Variants in PIH1D2 observed in about 807,000 individuals in gnomAD.
PIH1D2 encodes PIH1 domain-containing protein 2.
PIH1D2 carries 25 observed loss-of-function variants against 31.2 expected under a neutral mutation model. The ratio of observed to expected loss-of-function variants is 0.80; its 90% CI spans 0.58 to 1.12. PIH1D2 has a LOEUF of 1.12. Among genes scored for constraint, PIH1D2 ranks in the 50% most tolerant of loss-of-function variants. The probability of loss-of-function intolerance (pLI) is 0.00; values close to 1 mark genes in which losing one functional copy is unlikely to be tolerated. For synonymous variants in PIH1D2, 116 were observed against 119.9 expected (o/e 0.97, Z 0.21); for missense variants, 310 against 356.6 (o/e 0.87, Z 1.05).
At chr11:112,070,364 T>G in intron 5 of PIH1D2, 72 bp downstream of exon 5, 1 of 1,520,808 alleles carries the variant, frequency 6.6e-7, no homozygotes, top group Non-Finnish European at 9.0e-7. Context: ...TTATGTAGTT[T>G]GTTACTGTGG....
At chr11:112,070,113 T>C in intron 5 of PIH1D2, 1 of 497,440 alleles carries the variant, frequency 2.0e-6, no homozygotes, top group East Asian at 3.3e-5. Context: ...TATGACTTCC[T>C]GTGACTGTGA....
At chr11:112,059,834 C>A, downstream of PIH1D2, 2 of 1,355,838 alleles carry the variant, frequency 1.5e-6, no homozygotes, top group Non-Finnish European at 2.0e-6. Context: ...TATAAATATT[C>A]TTGCTTAACC....
rs370524046 is a variant in PIH1D2 at position 112,071,469 on chromosome 11, C to T, written c.301+166G>A. On this transcript the variant is annotated intron_variant, in intron 3 of 5. Transcript: ENST00000280350. The stretch of plus-strand genomic sequence containing the variant: ...CACTTTTGCATGGATTAAAACAGCT[C>T]ACCTTATTACAAAAGTTAAACAGTA... Among the ~76,000 whole-genome samples, 86 of 152,302 alleles carry T rather than the reference C, an allele frequency of 5.6e-4. 1 individual carries two copies. The highest frequency in any genetic ancestry group is 2.0e-3 in the African/African-American group (83 of 41,572).
chr11:112,072,918 C>G, intron 2 of PIH1D2, 80 bp downstream of exon 2: 1 of 1,285,880 alleles, frequency 7.8e-7, no homozygotes, highest in Non-Finnish European at 1.0e-6. Context: ...ATTAGCAATA[C>G]CTAAGTGTAA....
chr11:112,071,778 G>T lies in PIH1D2; in HGVS notation c.178-20C>A, dbSNP rs587601752. ...TGGTTTCTGGAAAGCAAATAATTTT[G>T]CACATCTCAAAACCTAGTTTAAAAC... On this transcript the variant is annotated intron_variant, in intron 2 of 5. Transcript: ENST00000280350. 6.2e-6 allele frequency: 10 copies of T among 1,613,390 alleles called. No individual in the cohort carries two copies. In the African/African-American group the frequency reaches 8.0e-5, roughly 13 times the overall value.
intron 5 of PIH1D2, chr11:112,070,031 T>C (rs1266928201): frequency 8.4e-6 from 2 of 237,432 alleles, no homozygotes; most frequent in Non-Finnish European, 1.6e-5. Flanking sequence ...ACCAAGAGTG[T>C]AGACTGGTAG....
Position 112,071,079 on chromosome 11 carries a change from A to C in PIH1D2, c.506T>G (p.Ile169Ser). 6.8e-6 allele frequency: 11 copies of C among 1,613,582 alleles called. No individual in the cohort carries two copies. Among genetic ancestry groups the C allele is most frequent in the Non-Finnish European group, 9.3e-6 (11 of 1,179,736 alleles). The change falls in exon 4 of 6, where the codon ATC becomes AGC. Residue 169 changes from isoleucine (I) to serine (S), a missense_variant. Physicochemically the swap from Ile to Ser is moderately radical, Grantham distance 142. Coordinates refer to ENST00000280350, the MANE Select transcript of PIH1D2 (RefSeq NM_138789.4). Reference sequence around the variant, plus strand: ...TCTTAAATCTATGGAATCAGTTTGGATTCCCATCAGATTTTGTTTCATTCT... The same window carrying C: ...TCTTAAATCTATGGAATCAGTTTGGCTTCCCATCAGATTTTGTTTCATTCT... ...IQRMKQNLMG[I>S]QTDSIDLREK...
At chr11:112,067,774 G>C, downstream of PIH1D2, 1 of 1,371,214 alleles carries the variant, frequency 7.3e-7, no homozygotes, top group Non-Finnish European at 9.7e-7. Flanking sequence ...AATGGAATTG[G>C]TGTTTAAGAT....
chr11:112,054,696 T>C, the PIH1D2 span, among the ~76,000 whole-genome samples: 1 of 152,242 alleles, frequency 6.6e-6, no homozygotes, highest in Non-Finnish European at 1.5e-5. Flanking sequence ...AGGGCTGCCA[T>C]TATTAATGAC....
At chr11:112,072,922 A>T in intron 2 of PIH1D2, 76 bp downstream of exon 2, 1 of 1,365,968 alleles carries the variant, frequency 7.3e-7, no homozygotes. Context: ...GCAATACCTA[A>T]GTGTAAAGTA....
At chr11:112,068,994 T>TG (rs1342278213) in intron 5 of PIH1D2, among the ~76,000 whole-genome samples, 18 of 146,586 alleles carry the variant, frequency 1.2e-4, no homozygotes, top group Middle Eastern at 3.5e-3. Flanking sequence ...TTTTTTTTTT[T>TG]TTTGTTTTTT....
intron 3 of PIH1D2, 48 bp from the exon 4 acceptor site, chr11:112,071,331 T>A: frequency 6.4e-7 from 1 of 1,553,812 alleles, no homozygotes; most frequent in Non-Finnish European, 8.7e-7. Context: ...ATTGTTGCAC[T>A]AATGATACTG....
downstream of PIH1D2, among the ~76,000 whole-genome samples, chr11:112,067,557 C>T (rs1166099265): frequency 2.8e-5 from 4 of 145,200 alleles, no homozygotes; most frequent in East Asian, 2.1e-4. Context: ...CCCAGCTACT[C>T]GGGAGGCTGA....
chr11:112,073,419 G>A (rs1865211462), intron 1 of PIH1D2, among the ~76,000 whole-genome samples: 1 of 151,896 alleles, frequency 6.6e-6, no homozygotes, highest in Non-Finnish European at 1.5e-5. Context: ...CTCAGATAAG[G>A]CCTTACTTCT....
At chr11:112,068,982 G>GTTTTTTTTTGTTTTTTTTTGT (rs1865021589) in intron 5 of PIH1D2, among the ~76,000 whole-genome samples, 3 of 88,432 alleles carry the variant, frequency 3.4e-5, no homozygotes, top group Non-Finnish European at 6.2e-5. Context: ...AATTTTTTTT[G>GTTTTTTTTTGTTTTTTTTTGT]TTTTTTTTTT....
downstream of PIH1D2, among the ~76,000 whole-genome samples, chr11:112,065,794 A>C (rs989741940): frequency 1.3e-5 from 2 of 152,242 alleles, no homozygotes; most frequent in African/African-American, 4.8e-5. Context: ...CAGCCTGGCC[A>C]ACATGATGAG....
intron 2 of PIH1D2, 80 bp downstream of exon 2, chr11:112,072,918 C>T: frequency 7.8e-7 from 1 of 1,285,880 alleles, no homozygotes; most frequent in Non-Finnish European, 1.0e-6. Context: ...ATTAGCAATA[C>T]CTAAGTGTAA....
chr11:112,062,516 C>G (rs781960252), downstream of PIH1D2: 6 of 1,612,478 alleles, frequency 3.7e-6, no homozygotes, highest in South Asian at 6.6e-5. Context: ...CTTGAAAAAC[C>G]TATCACTATG....
chr11:112,072,332 G>A (rs782611216), intron 2 of PIH1D2, among the ~76,000 whole-genome samples: 1 of 151,788 alleles, frequency 6.6e-6, no homozygotes, highest in Admixed American at 6.6e-5. Flanking sequence ...GTTGCTTGAG[G>A]CCTAGGAGTT....
Sources: allele counts gnomAD v4.1 joint callset (sites outside exome capture counted in the v4.1 genomes callset), GRCh38; gene constraint gnomAD v4.1.1; transcripts MANE v1.5; gene names NCBI Gene and HGNC (gene_info 2026-07-23, HGNC 2026-07-21).